Variants in NUMA1 observed in about 807,000 individuals in gnomAD.
NUMA1 encodes the protein SP-H antigen.
A neutral mutation model predicts 237.1 loss-of-function variants in NUMA1; 62 were observed. That is an observed-to-expected ratio of 0.26 (90% CI 0.21 to 0.32). The LOEUF (loss-of-function observed/expected upper bound fraction) is 0.32, where lower values mean the gene tolerates loss of function less well. Among genes scored for constraint, NUMA1 ranks in the 10% least tolerant of loss-of-function variants. NUMA1 has a pLI of 1.00. For synonymous variants in NUMA1, 1,028 were observed against 1,066.1 expected (o/e 0.96, Z 0.70); for missense variants, 2,533 against 2,666.5 (o/e 0.95, Z 1.10).
At chr11:72,079,781 T>C (rs1943975003) in intron 1 of NUMA1, among the ~76,000 whole-genome samples, 1 of 150,548 alleles carries the variant, frequency 6.6e-6, no homozygotes, top group African/African-American at 2.4e-5. Context: ...TTAACCTGTT[T>C]TGACCAGGAC....
At chr11:72,029,748 T>G (rs1343627773) in intron 3 of NUMA1, among the ~76,000 whole-genome samples, 1 of 152,236 alleles carries the variant, frequency 6.6e-6, no homozygotes, top group Non-Finnish European at 1.5e-5. Flanking sequence ...GATTTTTATA[T>G]TATAGTCCTT....
intron 2 of NUMA1, chr11:72,049,560 AATATATAT>A (rs1555034472): frequency 3.4e-4 from 14 of 41,004 alleles, no homozygotes; most frequent in African/African-American, 1.2e-3. Context: ...AAATAATAAT[AATATATAT>A]ATATATATAT....
At chr11:72,027,952 G>A (rs1425068132) in intron 4 of NUMA1, among the ~76,000 whole-genome samples, 1 of 152,200 alleles carries the variant, frequency 6.6e-6, no homozygotes, top group East Asian at 1.9e-4. Flanking sequence ...GTAACTGGGA[G>A]AGAAAATGGT....
chr11:72,009,932 T>G (rs1396793532), intron 17 of NUMA1, among the ~76,000 whole-genome samples: 3 of 151,506 alleles, frequency 2.0e-5, no homozygotes, highest in African/African-American at 7.4e-5. Context: ...GGGGGCTTAT[T>G]TATGATGCCC....
Position 72,008,460 on chromosome 11 carries a change from T to G in NUMA1, c.5216+228A>C. 5.4e-6 allele frequency: 3 copies of G among 551,564 alleles called. No homozygotes were observed. The South Asian group carries it at 6.1e-5, about 11-fold the overall frequency. The allele number at this position is 551,564 out of a possible 1,614,324, so 34.2% of individuals were successfully genotyped here. A position where few individuals can be genotyped will look rare whatever the true frequency, so the allele number is the denominator to read the frequency against. On this transcript the variant is annotated intron_variant, in intron 20 of 26. Coordinates refer to ENST00000393695, the MANE Select transcript of NUMA1 (RefSeq NM_006185.4). Reference sequence around the variant, plus strand: ...CTCGTCAACCTGGCACACACACCTATGGATGCTTTCAAGACTCAGCAGGAG... The same window carrying G: ...CTCGTCAACCTGGCACACACACCTAGGGATGCTTTCAAGACTCAGCAGGAG...
Position 72,014,477 on chromosome 11 carries a change from A to G in NUMA1, c.3026T>C (p.Leu1009Pro). The change falls in exon 15 of 27, where the codon CTG becomes CCG. Residue 1009 changes from leucine to proline, a missense_variant. Coordinates refer to ENST00000393695, the MANE Select transcript of NUMA1 (RefSeq NM_006185.4). The surrounding 1 kb of genome is among the most constrained non-coding windows in gnomAD (Gnocchi z 4.6). The stretch of plus-strand genomic sequence containing the variant: ...CTGGGCACGGCCCCGCTCCTGGGTC[A>G]GCCGCGCCACCTCCCTTTCCTGCTG... Reference protein sequence around the residue: ...RGQQEREVARLTQERGRAQAD... With the variant: ...RGQQEREVARPTQERGRAQAD... 1 of 1,602,684 alleles carries G rather than the reference A, an allele frequency of 6.2e-7. No individual in the cohort carries two copies. Among genetic ancestry groups the G allele is most frequent in the Non-Finnish European group, 8.5e-7 (1 of 1,179,936 alleles).
intron 20 of NUMA1, 134 bp downstream of exon 20, chr11:72,008,553 TG>T: frequency 1.0e-6 from 1 of 994,560 alleles, no homozygotes; most frequent in Non-Finnish European, 1.5e-6. Context: ...AATAGATATC[TG>T]GTATAATACC....
At chr11:72,010,674 C>CTGGA (rs1956091698) in intron 17 of NUMA1, 112 bp downstream of exon 17, 2 of 1,040,474 alleles carry the variant, frequency 1.9e-6, no homozygotes, top group African/African-American at 3.2e-5. Flanking sequence ...GGAGGGCTAC[C>CTGGA]TGGAATGCAG....
Position 72,013,957 on chromosome 11 carries a change from C to G in NUMA1, c.3546G>C (p.Gln1182His), listed in dbSNP as rs1015945364. The change falls in exon 15 of 27, where the codon CAG (glutamine) becomes CAC (histidine). Residue 1182 changes from glutamine to histidine, a missense_variant. Gln to His is a conservative substitution (Grantham distance 24). Coordinates refer to ENST00000393695, the MANE Select transcript of NUMA1 (RefSeq NM_006185.4). This position sits in a 1 kb window ranked among gnomAD's most constrained non-coding sequence, Gnocchi z 6.8. ...EEKAQELGHS[Q>H]SALASAQREL... ...CCCGTTGGGCCGAGGCTAAGGCACT[C>G]TGACTGTGCCCTAGCTCCTGGGCCT... 1 of 1,613,766 alleles carries G rather than the reference C, an allele frequency of 6.2e-7. No individual in the cohort carries two copies. Among genetic ancestry groups the G allele is most frequent in the Non-Finnish European group, 8.5e-7 (1 of 1,180,012 alleles).
At chr11:72,011,725 GC>G (rs1956174983) in intron 16 of NUMA1, among the ~76,000 whole-genome samples, 1 of 152,090 alleles carries the variant, frequency 6.6e-6, no homozygotes, top group African/African-American at 2.4e-5. Context: ...CAGCTCTATA[GC>G]CTCGATGTCT....
intron 1 of NUMA1, among the ~76,000 whole-genome samples, chr11:72,078,959 A>T (rs1943855158): frequency 6.6e-6 from 1 of 152,246 alleles, no homozygotes; most frequent in Non-Finnish European, 1.5e-5. Context: ...ACATAGAACC[A>T]GGCAACAGAT....
intron 2 of NUMA1, among the ~76,000 whole-genome samples, chr11:72,048,414 C>T (rs1268421818): frequency 6.6e-6 from 1 of 152,046 alleles, no homozygotes; most frequent in Admixed American, 6.6e-5. Context: ...CTTTGTCGCC[C>T]AGGCTGGAGT....
chr11:72,066,584 C>G (rs576920552), intron 2 of NUMA1: 3 of 152,274 alleles, frequency 2.0e-5, no homozygotes, highest in East Asian at 3.9e-4. Flanking sequence ...ATTAAATGCC[C>G]TGTCTCCTAA....
chr11:72,018,933 G>C lies in NUMA1; in HGVS notation c.632C>G (p.Thr211Ser). The change falls in exon 10 of 27, where the codon ACC (threonine) becomes AGC (serine). Residue 211 changes from threonine to serine, a missense_variant. Thr to Ser is a moderately conservative substitution (Grantham distance 58). Transcript: ENST00000393695. ...CAGCCGTCTCATCTGGAACTGTGGG[G>C]TCTGCAGGATATCACCCATGGGAGA... ...PASPMGDILQ[T>S]PQFQMRRLKK... 1.9e-6 allele frequency: 3 copies of C among 1,614,108 alleles called. No individual in the cohort carries two copies. The highest frequency in any genetic ancestry group is 2.5e-6 in the Non-Finnish European group (3 of 1,180,024).
chr11:72,041,000 C>T (rs1414338440), intron 2 of NUMA1: 1 of 152,088 alleles, frequency 6.6e-6, no homozygotes, highest in Non-Finnish European at 1.5e-5. Flanking sequence ...TTTAATCCGC[C>T]ATTAGCATTT....
At chr11:72,078,324 A>G (rs1407614831) in intron 1 of NUMA1, among the ~76,000 whole-genome samples, 1 of 152,258 alleles carries the variant, frequency 6.6e-6, no homozygotes, top group East Asian at 1.9e-4. Context: ...TTAAATGACC[A>G]CACCATATAT....
intron 1 of NUMA1, chr11:72,070,239 A>G (rs72951675): frequency 0.065 from 9,960 of 152,286 alleles, 513 homozygotes; most frequent in Non-Finnish European, 0.094. Context: ...TCTCATTTTC[A>G]AGTGTCTCTC....
In NUMA1 at chr11:72,016,219, G is replaced by A; in HGVS notation, c.1284C>T (p.Asn428=). The A allele has an allele frequency of 1.2e-6, 2 of 1,603,652 alleles. No individual in the cohort carries two copies. Among genetic ancestry groups the A allele is most frequent in the Non-Finnish European group, 1.7e-6 (2 of 1,171,936 alleles). The change falls in exon 15 of 27, where the codon AAC becomes AAT. Residue 428 remains asparagine, a synonymous_variant. Transcript: ENST00000393695. ...LKQEAATLAA[N]NTQLQARVEM... is the part of the protein sequence containing the mutation. ...CTACCCTGGCTTGGAGCTGTGTGTT[G>A]TTTGCAGCAAGAGTGGCTGCCTCTT...
intron 3 of NUMA1, among the ~76,000 whole-genome samples, chr11:72,033,646 A>G (rs1287330452): frequency 6.6e-6 from 1 of 152,184 alleles, no homozygotes; most frequent in East Asian, 1.9e-4. Context: ...TGCTGGCATT[A>G]CAGGTGTGAG....
Sources: gnomAD v4.1 joint callset for allele counts (sites outside exome capture counted in the v4.1 genomes callset) on GRCh38, gnomAD v4.1.1 for gene constraint, Gnocchi (gnomAD v3.1) non-coding constraint, MANE v1.5 for transcripts, NCBI Gene and HGNC (gene_info 2026-07-23, HGNC 2026-07-21) for gene names.